DAB1: variants seen among roughly 807,000 people sequenced by gnomAD.
DAB1 encodes disabled homolog 1.
A neutral mutation model predicts 64.6 loss-of-function variants in DAB1; 15 were observed. The observed-to-expected ratio is 0.23, with a 90% CI of 0.16 to 0.36. The LOEUF is 0.36. Among genes scored for constraint, DAB1 ranks in the 10% least tolerant of loss-of-function variants. DAB1 has a pLI of 1.00. For missense variants in DAB1, 596 were observed against 706.7 expected (o/e 0.84, Z 1.78); for synonymous variants, 235 against 251.9 (o/e 0.93, Z 0.64).
chr1:57,848,364 C>A (rs1167877696), intron 1 of DAB1, among the ~76,000 whole-genome samples: 2 of 152,220 alleles, frequency 1.3e-5, no homozygotes, highest in African/African-American at 4.8e-5. Flanking sequence ...TGAGATACTA[C>A]AATTCTAAAT....
At chr1:57,652,982 T>C (rs1296242381) in intron 6 of DAB1, among the ~76,000 whole-genome samples, 2 of 152,240 alleles carry the variant, frequency 1.3e-5, no homozygotes, top group Non-Finnish European at 2.9e-5. Flanking sequence ...TTTTATTATT[T>C]GGAATGCAAA....
intron 4 of DAB1, among the ~76,000 whole-genome samples, chr1:58,311,411 T>TAAC (rs72500906): frequency 6.6e-6 from 1 of 151,538 alleles, no homozygotes; most frequent in Non-Finnish European, 1.5e-5. Context: ...ATAAAAATAA[T>TAAC]ACCAGCAGCT....
chr1:58,301,608 A>G (rs889474844), intron 4 of DAB1, among the ~76,000 whole-genome samples: 4 of 152,104 alleles, frequency 2.6e-5, no homozygotes, highest in African/African-American at 9.7e-5. Flanking sequence ...CCTGCTGTAG[A>G]TGCATTGTTT....
chr1:57,697,422 T>TAAAAAAAA (rs56655539), intron 6 of DAB1, among the ~76,000 whole-genome samples: 1 of 57,870 alleles, frequency 1.7e-5, no homozygotes, highest in East Asian at 6.0e-4. Flanking sequence ...CTCACGTTTC[T>TAAAAAAAA]AAAAAAAAAA....
At position 57,523,649 on chromosome 1, in the gene DAB1, C is replaced by T. The variant is rs572457347; in HGVS notation, n.625+125943G>A. ...AAAAAGGGAACAATTAGGCCAGGTGCGGTGGCTCACACCTGTAATCCCAGC... is the reference window on the plus strand; with the variant it reads ...AAAAAGGGAACAATTAGGCCAGGTGTGGTGGCTCACACCTGTAATCCCAGC... On this transcript the variant is annotated intron_variant and non_coding_transcript_variant, in intron 7 of 20. Transcript: ENST00000485760. 3.4e-4 allele frequency among the ~76,000 whole-genome samples: 51 copies of T among 152,186 alleles called. No homozygotes were observed. In the Middle Eastern group the frequency reaches 0.017, roughly 51 times the overall value.
chr1:57,089,702 A>C (rs1365865128), intron 4 of DAB1, among the ~76,000 whole-genome samples: 1 of 152,146 alleles, frequency 6.6e-6, no homozygotes, highest in African/African-American at 2.4e-5. Flanking sequence ...ACCAGGCCCC[A>C]CCTCCAACAT....
At chr1:57,315,668 A>G (rs1358669156) in intron 1 of DAB1, among the ~76,000 whole-genome samples, 1 of 152,028 alleles carries the variant, frequency 6.6e-6, no homozygotes, top group African/African-American at 2.4e-5. Context: ...ACGCCCAGCT[A>G]ATTTTTTGTA....
rs542722921 is a variant in DAB1 at position 57,936,549 on chromosome 1, G to A, written n.388-52387C>T. On this transcript the variant is annotated intron_variant and non_coding_transcript_variant, in intron 5 of 20. Coordinates refer to the DAB1 transcript ENST00000485760. Reference sequence around the variant, plus strand: ...TGGGATTACAGGCAGCCGCCACCACGCCCAGCTAATTTTTTTTTCTTTTTG... The same window carrying A: ...TGGGATTACAGGCAGCCGCCACCACACCCAGCTAATTTTTTTTTCTTTTTG... Among the ~76,000 whole-genome samples the A allele has an allele frequency of 8.5e-5, 13 of 152,076 alleles. No individual in the cohort carries two copies. In the South Asian group the frequency reaches 1.2e-3, roughly 15 times the overall value.
intron 3 of DAB1, among the ~76,000 whole-genome samples, chr1:58,464,578 A>T (rs1645275838): frequency 6.6e-6 from 1 of 152,182 alleles, no homozygotes; most frequent in Admixed American, 6.5e-5. Flanking sequence ...TGGCCTTGTG[A>T]ATGTTATTTA....
In DAB1 at chr1:57,781,116, CTCTCTCTCTCTATATATATA is replaced by C. The variant is rs1445106541; in HGVS notation, n.551+102863_551+102882del. On this transcript the variant is annotated intron_variant and non_coding_transcript_variant, in intron 6 of 20. Transcript: ENST00000485760. ...TCTCTCTCTCTCTCTCTCTCTCTCTCTCTCTCTCTCTATATATATATATATATATATATATATATATATAT... is the reference window on the plus strand; with the variant it reads ...TCTCTCTCTCTCTCTCTCTCTCTCTCTATATATATATATATATATATATAT... Among the ~76,000 whole-genome samples the C allele has an allele frequency of 2.7e-4, 16 of 59,056 alleles. No homozygotes were observed. In the East Asian group the frequency reaches 6.1e-3, roughly 23 times the overall value. The allele number at this position is 59,056 out of a possible 152,430, so 38.7% of individuals were successfully genotyped here. A position where few individuals can be genotyped will look rare whatever the true frequency, so the allele number is the denominator to read the frequency against.
intron 4 of DAB1, among the ~76,000 whole-genome samples, chr1:58,257,117 C>T (rs1660950168): frequency 6.6e-6 from 1 of 152,190 alleles, no homozygotes; most frequent in Non-Finnish European, 1.5e-5. Flanking sequence ...CTTCCTTCTT[C>T]TCCATGAGTA....
At chr1:58,482,493 T>C (rs1255989835) in intron 3 of DAB1, among the ~76,000 whole-genome samples, 2 of 151,900 alleles carry the variant, frequency 1.3e-5, no homozygotes, top group Non-Finnish European at 2.9e-5. Flanking sequence ...GGTCTTAATA[T>C]TTAGGAGTTT....
chr1:57,287,804 T>TTATTTATTTATTTATTTATC (rs1210409814), intron 2 of DAB1, among the ~76,000 whole-genome samples: 4 of 148,788 alleles, frequency 2.7e-5, no homozygotes, highest in African/African-American at 9.7e-5. Flanking sequence ...ATTTATTTAT[T>TTATTTATTTATTTATTTATC]TATTTATTTG....
In DAB1 at chr1:57,153,690, G is replaced by T. The variant is rs181763098; in HGVS notation, c.68-8261C>A. Among the ~76,000 whole-genome samples the T allele has an allele frequency of 3.2e-3, 485 of 151,850 alleles. 6 individuals carry two copies. The East Asian group carries it at 0.057, about 18-fold the overall frequency. On this transcript the variant is annotated intron_variant, in intron 2 of 14. Transcript: ENST00000371236. Reference sequence around the variant, plus strand: ...TCTTGCTCTGTCACTCAGGCTGGAGGGCAGTGGCGCAATCTCGGCTCACTG... The same window carrying T: ...TCTTGCTCTGTCACTCAGGCTGGAGTGCAGTGGCGCAATCTCGGCTCACTG...
intron 6 of DAB1, among the ~76,000 whole-genome samples, chr1:57,653,639 G>C (rs2101658370): frequency 6.6e-6 from 1 of 152,006 alleles, no homozygotes; most frequent in South Asian, 2.1e-4. Context: ...TTGAGATGGA[G>C]TCTCGCTCTG....
chr1:57,929,293 T>C (rs1187349945), intron 5 of DAB1, among the ~76,000 whole-genome samples: 2 of 152,252 alleles, frequency 1.3e-5, no homozygotes, highest in East Asian at 1.9e-4. Context: ...TCTGTGTTCT[T>C]ATTGAGTGTT....
At chr1:57,981,746 C>T (rs1391692970) in intron 5 of DAB1, among the ~76,000 whole-genome samples, 2 of 152,192 alleles carry the variant, frequency 1.3e-5, no homozygotes, top group South Asian at 2.1e-4. Context: ...GACATAAATT[C>T]AGTGCTGAGC....
chr1:57,217,001 A>T (rs1328057892), intron 2 of DAB1, among the ~76,000 whole-genome samples: 3 of 152,132 alleles, frequency 2.0e-5, no homozygotes, highest in African/African-American at 4.8e-5. Context: ...CAGGGACTTC[A>T]TGTCCTGATA....
chr1:58,458,838 A>AAC (rs1645216656), intron 3 of DAB1, among the ~76,000 whole-genome samples: 2 of 151,042 alleles, frequency 1.3e-5, no homozygotes, highest in Non-Finnish European at 3.0e-5. Flanking sequence ...AACAAAAAAA[A>AAC]AAAACGGTTT....
Sources: allele counts gnomAD v4.1 joint callset (sites outside exome capture counted in the v4.1 genomes callset), GRCh38; gene constraint gnomAD v4.1.1; transcripts MANE v1.5; gene names NCBI Gene and HGNC (gene_info 2026-07-23, HGNC 2026-07-21).